Variants in SHQ1 observed in about 807,000 individuals in gnomAD.
SHQ1 encodes the protein SHQ1, H/ACA ribonucleoprotein assembly factor.
Under a neutral mutation model 53.8 loss-of-function variants are expected in SHQ1, and 49 were observed. The ratio of observed to expected loss-of-function variants is 0.91; its 90% CI spans 0.72 to 1.16. The LOEUF (loss-of-function observed/expected upper bound fraction) is 1.16. Among genes scored for constraint, SHQ1 ranks in the 50% most tolerant of loss-of-function variants. SHQ1 has a pLI of 0.00. For synonymous variants in SHQ1, 243 were observed against 251.0 expected (o/e 0.97, Z 0.30); for missense variants, 738 against 683.1 (o/e 1.08, Z -0.90).
At chr3:72,837,839 A>C (rs1708048580) in intron 4 of SHQ1, among the ~76,000 whole-genome samples, 1 of 152,242 alleles carries the variant, frequency 6.6e-6, no homozygotes, top group Non-Finnish European at 1.5e-5. Flanking sequence ...ATGAAGAAGA[A>C]CTCTACAAGT....
chr3:72,806,206 T>G lies in SHQ1; in HGVS notation c.1060+6465A>C, dbSNP rs1575708093. ...AGTAAAAAGAATTCACTTTGCCTCA[T>G]GGAAGGAGAATCCGGAGTTCTCCCT... On this transcript the variant is annotated intron_variant, in intron 9 of 10. Transcript: ENST00000325599. Among the ~76,000 whole-genome samples, 7 of 152,330 alleles carry G rather than the reference T, an allele frequency of 4.6e-5. 1 individual carries two copies. The South Asian group carries it at 1.5e-3, about 32-fold the overall frequency.
intron 10 of SHQ1, among the ~76,000 whole-genome samples, chr3:72,759,250 C>T (rs1206253945): frequency 6.6e-6 from 1 of 152,230 alleles, no homozygotes; most frequent in Non-Finnish European, 1.5e-5. Context: ...AGGGACATCA[C>T]AGGGCATCAC....
rs1265051159 is a variant in SHQ1, at chr3:72,812,778, T to C, written c.953A>G (p.His318Arg). 1.2e-6 allele frequency: 2 copies of C among 1,613,940 alleles called. No individual in the cohort carries two copies. Among genetic ancestry groups the C allele is most frequent in the African/African-American group, 1.3e-5 (1 of 74,938 alleles). ...LCWFETWTNVHDIMVSFGRRV... is the reference protein window; with the variant it reads ...LCWFETWTNVRDIMVSFGRRV... ...TCTTCCAAAAGACACCATGATATCATGAACGTTAGTCCAAGTCTGTGAAGT... is the reference window on the plus strand; with the variant it reads ...TCTTCCAAAAGACACCATGATATCACGAACGTTAGTCCAAGTCTGTGAAGT... The change falls in exon 9 of 11, where the codon CAT (histidine) becomes CGT (arginine). Residue 318 changes from histidine to arginine, a missense_variant. Physicochemically the swap from His to Arg is conservative, Grantham distance 29. Coordinates refer to ENST00000325599, the MANE Select transcript of SHQ1 (RefSeq NM_018130.3).
At chr3:72,831,644 C>T (rs1707823782) in intron 5 of SHQ1, among the ~76,000 whole-genome samples, 1 of 152,210 alleles carries the variant, frequency 6.6e-6, no homozygotes, top group Admixed American at 6.5e-5. Context: ...CTCCACGCAT[C>T]CTAGCAGAGC....
the SHQ1 span, among the ~76,000 whole-genome samples, chr3:72,740,341 T>C: frequency 1.3e-5 from 2 of 152,214 alleles, no homozygotes; most frequent in South Asian, 4.1e-4. Context: ...AGTAGGTAGC[T>C]GCAGGGGCTG....
Position 72,828,615 on chromosome 3 carries a change from AC to A in SHQ1, c.599+3753del, listed in dbSNP as rs146366081. Among the ~76,000 whole-genome samples the A allele has an allele frequency of 8.7e-3, 1,316 of 151,702 alleles. 31 individuals carry two copies. Among genetic ancestry groups the A allele is most frequent in the African/African-American group, 0.03 (1,258 of 41,346 alleles). On this transcript the variant is annotated intron_variant, in intron 5 of 10. Coordinates refer to ENST00000325599, the MANE Select transcript of SHQ1 (RefSeq NM_018130.3). ...AGGCTGAGGCGGGAGAATGACTTGAACCCCGGGAGGCAGAGGCTGTGGTGAG... is the reference window on the plus strand; with the variant it reads ...AGGCTGAGGCGGGAGAATGACTTGAACCCGGGAGGCAGAGGCTGTGGTGAG...
At chr3:72,779,950 C>CA (rs1423707103) in intron 10 of SHQ1, among the ~76,000 whole-genome samples, 2 of 152,302 alleles carry the variant, frequency 1.3e-5, no homozygotes, top group East Asian at 3.9e-4. Flanking sequence ...TAAAAAGGTA[C>CA]AAGGCCAGGC....
chr3:72,734,004 C>A, the SHQ1 span, among the ~76,000 whole-genome samples: 1 of 151,018 alleles, frequency 6.6e-6, no homozygotes, highest in African/African-American at 2.4e-5. Flanking sequence ...CCAATCTCTA[C>A]CAAAAATACA....
intron 2 of SHQ1, among the ~76,000 whole-genome samples, chr3:72,843,859 T>C (rs1056277018): frequency 6.6e-6 from 1 of 152,146 alleles, no homozygotes; most frequent in Non-Finnish European, 1.5e-5. Context: ...CAGTGGCTTC[T>C]ATAAAGGAAA....
chr3:72,810,076 A>G (rs1049499449), intron 9 of SHQ1: 2 of 152,118 alleles, frequency 1.3e-5, no homozygotes, highest in Admixed American at 1.3e-4. Flanking sequence ...CCCATGAAAA[A>G]CTTTACCCAT....
At chr3:72,762,490 T>C (rs911456202) in intron 10 of SHQ1, among the ~76,000 whole-genome samples, 5 of 152,244 alleles carry the variant, frequency 3.3e-5, no homozygotes, top group Non-Finnish European at 5.9e-5. Context: ...AGAAATGCTA[T>C]TGCTGAAATG....
chr3:72,746,590 C>T (rs1252293432), downstream of SHQ1, among the ~76,000 whole-genome samples: 4 of 152,192 alleles, frequency 2.6e-5, no homozygotes, highest in African/African-American at 4.8e-5. Context: ...AGCTCACTCA[C>T]GTTGTCTTTA....
At chr3:72,829,754 T>C (rs1169657587) in intron 5 of SHQ1, among the ~76,000 whole-genome samples, 1 of 152,234 alleles carries the variant, frequency 6.6e-6, no homozygotes, top group Non-Finnish European at 1.5e-5. Flanking sequence ...ATAAGATCAT[T>C]TTTGTCCCTT....
intron 6 of SHQ1, among the ~76,000 whole-genome samples, chr3:72,822,963 CAG>C (rs1707524719): frequency 6.6e-6 from 1 of 152,076 alleles, no homozygotes; most frequent in African/African-American, 2.4e-5. Flanking sequence ...TCCTGGCTAA[CAG>C]GGTGAAACCC....
chr3:72,785,483 A>C (rs1218929205), intron 10 of SHQ1, among the ~76,000 whole-genome samples: 1 of 152,224 alleles, frequency 6.6e-6, no homozygotes, highest in African/African-American at 2.4e-5. Context: ...AGAATTAGTT[A>C]AGAATACTGG....
In SHQ1 at chr3:72,773,937, T is replaced by C. The variant is rs181098849; in HGVS notation, c.1181+18979A>G. On this transcript the variant is annotated intron_variant, in intron 10 of 10. Coordinates refer to ENST00000325599, the MANE Select transcript of SHQ1 (RefSeq NM_018130.3). The stretch of plus-strand genomic sequence containing the variant: ...ACACATACAAAATGTAAGATTTTTG[T>C]AGTTAGGTTTGAATTTACTGGAAGC... Among the ~76,000 whole-genome samples, 301 of 152,320 alleles carry C rather than the reference T, an allele frequency of 2.0e-3. 2 individuals are homozygous for C. Among genetic ancestry groups the C allele is most frequent in the African/African-American group, 6.7e-3 (277 of 41,578 alleles).
At chr3:72,753,894 G>A (rs537572913) in intron 10 of SHQ1, among the ~76,000 whole-genome samples, 1 of 152,308 alleles carries the variant, frequency 6.6e-6, no homozygotes, top group Non-Finnish European at 1.5e-5. Flanking sequence ...TTCAGTCTGA[G>A]CTGCTGCAAA....
At chr3:72,779,764 C>T (rs1025723507) in intron 10 of SHQ1, among the ~76,000 whole-genome samples, 18 of 152,182 alleles carry the variant, frequency 1.2e-4, no homozygotes, top group African/African-American at 3.9e-4. Context: ...AACTCTCATG[C>T]CCAAGCCTCA....
chr3:72,734,991 G>A, the SHQ1 span, among the ~76,000 whole-genome samples: 1 of 151,520 alleles, frequency 6.6e-6, no homozygotes, highest in African/African-American at 2.4e-5. Flanking sequence ...TTCTCAGTGG[G>A]GTTCCTGCCA....
Sources: allele counts gnomAD v4.1 joint callset (sites outside exome capture counted in the v4.1 genomes callset), GRCh38; gene constraint gnomAD v4.1.1; transcripts MANE v1.5; gene names NCBI Gene and HGNC (gene_info 2026-07-23, HGNC 2026-07-21).